EGFL6: variants seen among roughly 807,000 people sequenced by gnomAD.
EGFL6 encodes the protein epidermal growth factor-like protein 6.
A neutral mutation model predicts 43.1 loss-of-function variants in EGFL6; 42 were observed. The ratio of observed to expected loss-of-function variants is 0.98; its 90% CI spans 0.76 to 1.26. The LOEUF is 1.26. Among genes scored for constraint, EGFL6 ranks in the 50% most tolerant of loss-of-function variants. The pLI is 0.00. For synonymous variants in EGFL6, 164 were observed against 163.2 expected (o/e 1.01, Z -0.04); for missense variants, 429 against 427.8 (o/e 1.00, Z -0.02).
At chrX:13,596,047 C>G (rs2045595779) in intron 3 of EGFL6, among the ~76,000 whole-genome samples, 1 of 111,613 alleles carries the variant, frequency 9.0e-6, no homozygotes, top group Non-Finnish European at 1.9e-5. Flanking sequence ...TAATTTATAA[C>G]TTTCATCCTA....
chrX:13,602,919 G>T (rs1343217092), intron 4 of EGFL6, among the ~76,000 whole-genome samples: 1 of 112,173 alleles, frequency 8.9e-6, no homozygotes, highest in African/African-American at 3.2e-5. Context: ...GAGCTCTCCA[G>T]AGTAGATTCT....
intron 4 of EGFL6, among the ~76,000 whole-genome samples, chrX:13,600,541 C>T (rs1330118090): frequency 1.9e-5 from 2 of 108,032 alleles, no homozygotes; most frequent in Non-Finnish European, 3.8e-5. Flanking sequence ...CCCACTTCGG[C>T]CTCTCAAAGT....
intron 10 of EGFL6, 27 bp downstream of exon 10, chrX:13,623,952 C>T (rs1411739362): frequency 2.8e-6 from 3 of 1,087,289 alleles, no homozygotes; most frequent in East Asian, 3.0e-5. Flanking sequence ...GTTTCATGTT[C>T]TGCAATATGG....
At chrX:13,609,469 CGGCT>C (rs1569207455) in intron 7 of EGFL6, among the ~76,000 whole-genome samples, 2 of 111,818 alleles carry the variant, frequency 1.8e-5, no homozygotes, top group Non-Finnish European at 3.8e-5. Context: ...CATCCAGGTT[CGGCT>C]GGGCGTGGCG....
intron 7 of EGFL6, among the ~76,000 whole-genome samples, chrX:13,612,963 G>A (rs2045699633): frequency 9.2e-6 from 1 of 108,696 alleles, no homozygotes; most frequent in African/African-American, 3.4e-5. Context: ...TGGGCAACAC[G>A]GTAAAACCCC....
At chrX:13,629,187 T>G (rs1029434704) in intron 11 of EGFL6, among the ~76,000 whole-genome samples, 3 of 112,312 alleles carry the variant, frequency 2.7e-5, no homozygotes, top group African/African-American at 9.7e-5. Flanking sequence ...TAGCAGTACA[T>G]TTAAATCAAT....
chrX:13,606,456 T>C lies in EGFL6; in HGVS notation c.598T>C (p.Cys200Arg). 1.7e-6 allele frequency: 2 copies of C among 1,211,426 alleles called. No homozygotes were observed. The highest frequency in any genetic ancestry group is 2.2e-6 in the Non-Finnish European group (2 of 895,032). Residue 200 changes from cysteine (C) to arginine (R), a missense_variant, in exon 6 of 12, where the codon TGC (cysteine) becomes CGC (arginine). Cys to Arg is a radical substitution (Grantham distance 180). Transcript: ENST00000361306. ...TGTGAACACATTTGGAAGCTACTACTGCAAATGTCACATTGGTTTCGAACT... is the reference window on the plus strand; with the variant it reads ...TGTGAACACATTTGGAAGCTACTACCGCAAATGTCACATTGGTTTCGAACT... ...RCVNTFGSYY[C>R]KCHIGFELQY...
chrX:13,594,891 A>G lies in EGFL6; in HGVS notation c.243A>G (p.Arg81=). The G allele has an allele frequency of 8.3e-7, 1 of 1,211,120 alleles. No homozygotes were observed. The highest frequency in any genetic ancestry group is 1.8e-5 in the South Asian group (1 of 56,825). ...FGECVGPNKC[R]CFPGYTGKTC... ...AGTGCGTGGGACCAAACAAATGCAG[A>G]TGCTTTCCAGGATACACCGGGAAAA... The change falls in exon 3 of 12, where the codon AGA becomes AGG. Residue 81 remains arginine, a synonymous_variant. Transcript: ENST00000361306.
At position 13,570,095 on chromosome X, in the gene EGFL6, C is replaced by T. The variant is rs145416408; in HGVS notation, c.74+160C>T. 4.6e-3 allele frequency among the ~76,000 whole-genome samples: 522 copies of T among 112,525 alleles called. 3 individuals are homozygous for T. The highest frequency in any genetic ancestry group is 0.016 in the African/African-American group (493 of 31,045). ...TTTAACCTGGATACCAGGCCGGGAG[C>T]GCCCACGGGCTTTCCTCCCTGCTCT... is the stretch of plus-strand genomic sequence containing the variant. On this transcript the variant is annotated intron_variant, in intron 1 of 11. Coordinates refer to ENST00000361306, the MANE Select transcript of EGFL6 (RefSeq NM_015507.4).
Position 13,617,876 on chromosome X carries a change from C to G in EGFL6, c.925C>G (p.Pro309Ala), listed in dbSNP as rs762999365. Reference protein sequence around the residue: ...VTPEPTRTPTPKVNLQPFNYE... With the variant: ...VTPEPTRTPTAKVNLQPFNYE... The stretch of plus-strand genomic sequence containing the variant: ...CCCAGAACCCACCAGGACTCCTACC[C>G]CTAAGGTGAACTTGCAGCCCTTCAA... Residue 309 changes from proline to alanine, a missense_variant, in exon 8 of 12, where the codon CCT (proline) becomes GCT (alanine). Coordinates refer to ENST00000361306, the MANE Select transcript of EGFL6 (RefSeq NM_015507.4). The G allele has an allele frequency of 2.2e-5, 26 of 1,209,198 alleles. No homozygotes were observed. The highest frequency in any genetic ancestry group is 6.7e-6 in the Non-Finnish European group (6 of 895,105).
chrX:13,618,197 G>A, intron 8 of EGFL6, 144 bp downstream of exon 8: 1 of 544,697 alleles, frequency 1.8e-6, no homozygotes, highest in Non-Finnish European at 2.8e-6. Context: ...TCTCTGTAAT[G>A]TCTAGAAACG....
intron 5 of EGFL6, 151 bp downstream of exon 5, chrX:13,603,587 G>A: frequency 1.5e-6 from 1 of 689,083 alleles, no homozygotes. Context: ...GATACTTTTA[G>A]CCACATATGC....
At chrX:13,578,453 C>T (rs1299462257) in intron 1 of EGFL6, among the ~76,000 whole-genome samples, 2 of 107,892 alleles carry the variant, frequency 1.9e-5, no homozygotes, top group African/African-American at 6.8e-5. Context: ...GATTATAAAT[C>T]ATGCTGCTAT....
chrX:13,626,753 C>A (rs1447406074), intron 10 of EGFL6, among the ~76,000 whole-genome samples: 2 of 112,258 alleles, frequency 1.8e-5, no homozygotes, highest in Non-Finnish European at 3.8e-5. Flanking sequence ...TACCCCATAT[C>A]TTTGTGTATG....
In EGFL6 at chrX:13,600,039, C is replaced by G. The variant is rs1318495295; in HGVS notation, c.345C>G (p.Ser115Arg). 8.3e-7 allele frequency: 1 copy of G among 1,211,150 alleles called. No homozygotes were observed. Residue 115 changes from serine (S) to arginine (R), a missense_variant, in exon 4 of 12, where the codon AGC becomes AGG. Transcript: ENST00000361306. ...ACAGATGTGTGAATACACACGGAAGCTACAAGTGCTTTTGCCTCAGTGGCC... is the reference window on the plus strand; with the variant it reads ...ACAGATGTGTGAATACACACGGAAGGTACAAGTGCTTTTGCCTCAGTGGCC... The part of the protein sequence containing the change: ...CQHRCVNTHG[S>R]YKCFCLSGHM...
intron 7 of EGFL6, among the ~76,000 whole-genome samples, chrX:13,610,422 A>T (rs750390520): frequency 3.6e-5 from 4 of 111,429 alleles, no homozygotes; most frequent in Non-Finnish European, 7.5e-5. Flanking sequence ...GGATTCCTGC[A>T]TTGGGCTGGA....
chrX:13,573,212 T>C (rs1050317948), intron 1 of EGFL6, among the ~76,000 whole-genome samples: 1 of 111,899 alleles, frequency 8.9e-6, no homozygotes, highest in Admixed American at 9.5e-5. Flanking sequence ...GATGTATACC[T>C]CTGCGGGGTG....
chrX:13,592,632 AGTT>A (rs2146967600), intron 2 of EGFL6, among the ~76,000 whole-genome samples: 1 of 110,191 alleles, frequency 9.1e-6, no homozygotes, highest in East Asian at 2.9e-4. Flanking sequence ...GGCCTGCCAA[AGTT>A]CTGTGGAGTT....
In EGFL6 at chrX:13,623,386, T is replaced by G. The variant is rs1414169901; in HGVS notation, c.1184-438T>G. On this transcript the variant is annotated intron_variant, in intron 9 of 11. Transcript: ENST00000361306. ...TTTTGTTTTATTTTGGGTTTTTTTT[T>G]TTTTTTTTTTTGAGACAGAGTCTCA... Among the ~76,000 whole-genome samples the G allele has an allele frequency of 4.3e-5, 3 of 70,160 alleles. No homozygotes were observed. In the Admixed American group the frequency reaches 4.8e-4, roughly 11 times the overall value. 60.9% of individuals were successfully genotyped at this position (70,160 alleles called of 115,157 possible). A position where few individuals can be genotyped will look rare whatever the true frequency, so the allele number is the denominator to read the frequency against.
Sources: gnomAD v4.1 joint callset for allele counts (sites outside exome capture counted in the v4.1 genomes callset) on GRCh38, gnomAD v4.1.1 for gene constraint, MANE v1.5 for transcripts, NCBI Gene and HGNC (gene_info 2026-07-23, HGNC 2026-07-21) for gene names.